CFLAR: variants seen among roughly 807,000 people sequenced by gnomAD.
The protein encoded by CFLAR is CASP8 and FADD like apoptosis regulator.
In CFLAR, 14 loss-of-function variants were observed where a neutral mutation model predicts 51.1. The observed-to-expected ratio is 0.27, with a 90% CI of 0.18 to 0.43. The LOEUF (loss-of-function observed/expected upper bound fraction) is 0.43. Among genes scored for constraint, CFLAR ranks in the 20% least tolerant of loss-of-function variants. The pLI is 1.00. For missense variants in CFLAR, 390 were observed against 566.5 expected, an observed-to-expected ratio of 0.69 and a Z score of 3.16; for synonymous variants, 210 against 211.6, an observed-to-expected ratio of 0.99 and a Z score of 0.06.
In CFLAR at chr2:201,171,089, G is replaced by A. The variant is rs1341855947; in HGVS notation, c.*7116G>A. The stretch of plus-strand genomic sequence containing the variant: ...ATTGTATGTTCTCACTCATAAGTGG[G>A]AGATAAGCTATGAGGATGCAAAGGC... On this transcript the variant is annotated 3_prime_UTR_variant, in exon 10 of 10. Coordinates refer to ENST00000309955, the MANE Select transcript of CFLAR (RefSeq NM_003879.7). The A allele has an allele frequency of 6.6e-6, 1 of 152,182 alleles. No individual in the cohort carries two copies. The highest frequency in any genetic ancestry group is 6.6e-5 in the Admixed American group (1 of 15,262). The allele number at this position is 152,182 out of a possible 1,614,324, so 9.4% of individuals were successfully genotyped here.
At chr2:201,123,681 A>G (rs1325986820) in intron 1 of CFLAR, among the ~76,000 whole-genome samples, 2 of 152,218 alleles carry the variant, frequency 1.3e-5, no homozygotes, top group Non-Finnish European at 2.9e-5. Flanking sequence ...TAGCAGCCTC[A>G]TCAAATAATT....
rs1464744629 is a variant in CFLAR, at chr2:201,176,524, G to A, written c.*12551G>A. 3 of 152,216 alleles carry A rather than the reference G, an allele frequency of 2.0e-5. No individual in the cohort carries two copies. The highest frequency in any genetic ancestry group is 6.5e-5 in the Admixed American group (1 of 15,288). 9.4% of individuals were successfully genotyped at this position (152,216 alleles called of 1,614,324 possible). ...ACTTGCCTCATTGTGAATTTTTATA[G>A]ATGTGGCTAAGTCATATGCTTCCTT... On this transcript the variant is annotated 3_prime_UTR_variant, in exon 10 of 10. Transcript: ENST00000309955.
chr2:201,132,531 C>A (rs2049469759), intron 2 of CFLAR, among the ~76,000 whole-genome samples: 1 of 151,486 alleles, frequency 6.6e-6, no homozygotes, highest in African/African-American at 2.4e-5. Context: ...CCTTGTGATC[C>A]AGATGCCTGT....
intron 3 of CFLAR, 134 bp from the exon 4 acceptor site, chr2:201,135,838 G>C (rs935054577): frequency 1.6e-6 from 2 of 1,231,192 alleles, no homozygotes; most frequent in African/African-American, 1.5e-5. Context: ...TTTTGCTCAG[G>C]CTGGTCTCAA....
chr2:201,129,488 T>G, intron 1 of CFLAR: 2 of 366,432 alleles, frequency 5.5e-6, no homozygotes, highest in East Asian at 4.0e-5. Context: ...TCCTTGCAGA[T>G]GAGTTCATCT....
intron 1 of CFLAR, among the ~76,000 whole-genome samples, chr2:201,121,895 T>G (rs1300422235): frequency 6.6e-6 from 1 of 152,244 alleles, no homozygotes; most frequent in African/African-American, 2.4e-5. Context: ...TTTTTATTCC[T>G]TTGATCAAAA....
Position 201,124,016 on chromosome 2 carries a change from T to G in CFLAR, c.-137-5713T>G, listed in dbSNP as rs1215886558. 6.6e-6 allele frequency among the ~76,000 whole-genome samples: 1 copy of G among 152,204 alleles called. No homozygotes were observed. Among genetic ancestry groups the G allele is most frequent in the Non-Finnish European group, 1.5e-5 (1 of 68,042 alleles). On this transcript the variant is annotated intron_variant, in intron 1 of 9. Transcript: ENST00000309955. This position sits in a 1 kb window ranked among gnomAD's most constrained non-coding sequence, Gnocchi z 4.7. ...TTGTGGGGTTGCAAGAAATTACATTTGCATTCACGCTGTGGCTCACTGGAC... is the reference window on the plus strand; with the variant it reads ...TTGTGGGGTTGCAAGAAATTACATTGGCATTCACGCTGTGGCTCACTGGAC...
rs1942853018 is a variant in CFLAR at position 201,160,377 on chromosome 2, T to C, written c.794-55T>C. The C allele has an allele frequency of 2.6e-6, 4 of 1,559,556 alleles. No individual in the cohort carries two copies. The African/African-American group carries it at 5.4e-5, about 21-fold the overall frequency. On this transcript the variant is annotated intron_variant, in intron 8 of 9. Transcript: ENST00000309955. ...TGTCTAGGATTCCTACCCAGTCCTC[T>C]TGAGCTCTCCTCACTCCAGTGTTGT... is the stretch of plus-strand genomic sequence containing the variant.
rs1944122882 is a variant in CFLAR, at chr2:201,173,823, C to G, written c.*9850C>G. On this transcript the variant is annotated 3_prime_UTR_variant, in exon 10 of 10. Coordinates refer to ENST00000309955, the MANE Select transcript of CFLAR (RefSeq NM_003879.7). ...AGTAACTGGGATTACAGGCACCCAC[C>G]ATCACGCCTGGCTAATTTTTGTATT... The G allele has an allele frequency of 1.3e-5, 2 of 151,880 alleles. No individual in the cohort carries two copies. The highest frequency in any genetic ancestry group is 4.2e-4 in the South Asian group (2 of 4,806). 9.4% of individuals were successfully genotyped at this position (151,880 alleles called of 1,614,324 possible).
intron 6 of CFLAR, 56 bp downstream of exon 6, chr2:201,145,488 C>T: frequency 9.1e-7 from 1 of 1,098,710 alleles, no homozygotes; most frequent in Non-Finnish European, 1.4e-6. Context: ...AATTCTAGTA[C>T]AAATATTGCA....
Position 201,117,750 on chromosome 2 carries a change from C to CTTT in CFLAR, c.-138+1289_-138+1291dup, listed in dbSNP as rs1174973596. On this transcript the variant is annotated intron_variant, in intron 1 of 9. Transcript: ENST00000309955. ...AAAAACCTGGCTGGAGCTCCAAGAT[C>CTTT]TTTTTTTTTTTTTTTTTTTTTTGAG... Among the ~76,000 whole-genome samples the CTTT allele has an allele frequency of 1.1e-3, 120 of 113,836 alleles. 1 individual carries two copies. The highest frequency in any genetic ancestry group is 2.5e-3 in the African/African-American group (74 of 29,584). The allele number at this position is 113,836 out of a possible 152,430, so 74.7% of individuals were successfully genotyped here.
At chr2:201,130,690 G>A (rs542439606) in intron 2 of CFLAR, among the ~76,000 whole-genome samples, 46 of 152,052 alleles carry the variant, frequency 3.0e-4, no homozygotes, top group Non-Finnish European at 6.0e-4. Context: ...CAAAGGAATT[G>A]GGATCATATG....
Position 201,163,908 on chromosome 2 carries a change from AAGG to A in CFLAR, c.1381_1383del (p.Glu461del). The A allele has an allele frequency of 1.2e-6, 2 of 1,614,166 alleles. No homozygotes were observed. The highest frequency in any genetic ancestry group is 1.7e-6 in the Non-Finnish European group (2 of 1,180,018). On this transcript the variant is annotated inframe_deletion, in exon 10 of 10. Transcript: ENST00000309955. ...TGATTGGAACAGCAGAGTTTCTGCC[AAGG>A]AGAAATATTATGTCTGGCTGCAGCA...
At position 201,175,798 on chromosome 2, in the gene CFLAR, A is replaced by G. The variant is rs1278432726; in HGVS notation, c.*11825A>G. ...AGGGACCGAGGCAAGTTTCAGAGCA[A>G]CAGTGAAAGTTTATTACGCTTTAGG... On this transcript the variant is annotated 3_prime_UTR_variant, in exon 10 of 10. Transcript: ENST00000309955. 3 of 151,298 alleles carry G rather than the reference A, an allele frequency of 2.0e-5. No individual in the cohort carries two copies. The highest frequency in any genetic ancestry group is 4.4e-5 in the Non-Finnish European group (3 of 67,788). The allele number at this position is 151,298 out of a possible 1,614,324, so 9.4% of individuals were successfully genotyped here. A position where few individuals can be genotyped will look rare whatever the true frequency, so the allele number is the denominator to read the frequency against.
chr2:201,126,108 C>T (rs7574327), intron 1 of CFLAR, among the ~76,000 whole-genome samples: 1 of 152,118 alleles, frequency 6.6e-6, no homozygotes, highest in East Asian at 1.9e-4. Flanking sequence ...ATTTAGCCGG[C>T]GGCCAAGAGA....
intron 4 of CFLAR, chr2:201,137,861 G>T: frequency 1.2e-6 from 1 of 861,530 alleles, no homozygotes; most frequent in Non-Finnish European, 2.0e-6. Flanking sequence ...CTGAGAAGAA[G>T]CACTCGCCGG....
rs2125996273 is a variant in CFLAR, at chr2:201,176,627, G to C, written c.*12654G>C. On this transcript the variant is annotated 3_prime_UTR_variant, in exon 10 of 10. Transcript: ENST00000309955. Reference sequence around the variant, plus strand: ...ACAACAAACTAACCTTGAAGTGAAAGGCCTTTCTGCGTTTATCTTACCTTT... The same window carrying C: ...ACAACAAACTAACCTTGAAGTGAAACGCCTTTCTGCGTTTATCTTACCTTT... 6.6e-6 allele frequency: 1 copy of C among 152,138 alleles called. No individual in the cohort carries two copies. Among genetic ancestry groups the C allele is most frequent in the Non-Finnish European group, 1.5e-5 (1 of 68,016 alleles). The allele number at this position is 152,138 out of a possible 1,614,324, so 9.4% of individuals were successfully genotyped here.
At chr2:201,140,505 C>G (rs1374285049) in intron 5 of CFLAR, 66 bp downstream of exon 5, 1 of 1,156,682 alleles carries the variant, frequency 8.6e-7, no homozygotes, top group African/African-American at 1.6e-5. Context: ...TAAAAATATG[C>G]ATATTCTCAC....
In CFLAR at chr2:201,160,816, G is replaced by T. The variant is rs1942898729; in HGVS notation, c.1178G>T (p.Cys393Phe). 1 of 1,614,026 alleles carries T rather than the reference G, an allele frequency of 6.2e-7. No homozygotes were observed. Among genetic ancestry groups the T allele is most frequent in the African/African-American group, 1.3e-5 (1 of 74,918 alleles). Residue 393 changes from cysteine (C) to phenylalanine (F), a missense_variant, in exon 9 of 10, where the codon TGC (cysteine) becomes TTC (phenylalanine). Cys to Phe is a radical substitution (Grantham distance 205). This residue lies in a region of CFLAR where 287 missense variants were observed against 363.6 expected (regional missense o/e 0.79). Transcript: ENST00000309955. ...TTCAAGGCTCAGAAGCGAGGGCTGTGCACAGTTCACCGAGAAGCTGACTTC... is the reference window on the plus strand; with the variant it reads ...TTCAAGGCTCAGAAGCGAGGGCTGTTCACAGTTCACCGAGAAGCTGACTTC... ...VEFKAQKRGL[C>F]TVHREADFFW...
Sources: allele counts gnomAD v4.1 joint callset (sites outside exome capture counted in the v4.1 genomes callset), GRCh38; gene constraint gnomAD v4.1.1; regional missense constraint gnomAD v4.1.1; non-coding constraint Gnocchi (gnomAD v3.1); transcripts MANE v1.5; gene names NCBI Gene and HGNC (gene_info 2026-07-23, HGNC 2026-07-21).